Variants in TOP6BL observed in about 807,000 individuals in gnomAD.
TOP6BL encodes TOP6B like initiator of meiotic double strand breaks, also known as type 2 DNA topoisomerase 6 subunit B-like.
the TOP6BL span, among the ~76,000 whole-genome samples, chr11:66,795,560 C>G: frequency 6.6e-6 from 1 of 152,054 alleles, no homozygotes; most frequent in African/African-American, 2.4e-5. Flanking sequence ...CCTCGGCCTC[C>G]CAAAGTGCCG....
At chr11:66,747,148 G>T in the TOP6BL span, among the ~76,000 whole-genome samples, 2 of 151,932 alleles carry the variant, frequency 1.3e-5, no homozygotes, top group Admixed American at 6.6e-5. Flanking sequence ...TATTGGCCAG[G>T]CTGATCTTGA....
chr11:66,802,300 A>G, the TOP6BL span, among the ~76,000 whole-genome samples: 4 of 151,956 alleles, frequency 2.6e-5, no homozygotes, highest in Non-Finnish European at 5.9e-5. Flanking sequence ...CTATAGGTGC[A>G]TGCCACCACG....
At chr11:66,843,516 C>T in the TOP6BL span, 2 of 1,498,640 alleles carry the variant, frequency 1.3e-6, no homozygotes, top group Admixed American at 2.3e-5. Context: ...GGAGCGGCCG[C>T]CCGAGTCGGC....
At chr11:66,816,379 G>A in the TOP6BL span, among the ~76,000 whole-genome samples, 21 of 152,062 alleles carry the variant, frequency 1.4e-4, no homozygotes, top group Non-Finnish European at 2.9e-4. Context: ...TTGATGCATC[G>A]CTTAAATGAT....
At chr11:66,773,533 CTCTTT>C in the TOP6BL span, among the ~76,000 whole-genome samples, 1 of 152,170 alleles carries the variant, frequency 6.6e-6, no homozygotes, top group East Asian at 1.9e-4. Flanking sequence ...TTTATATCTT[CTCTTT>C]TATTTTCCTT....
At chr11:66,813,410 C>T in the TOP6BL span, among the ~76,000 whole-genome samples, 5 of 152,146 alleles carry the variant, frequency 3.3e-5, no homozygotes, top group African/African-American at 1.2e-4. Flanking sequence ...TGGTGCCTCA[C>T]ATCTGTCTTC....
chr11:66,774,256 A>C, the TOP6BL span, among the ~76,000 whole-genome samples: 2 of 152,068 alleles, frequency 1.3e-5, no homozygotes, highest in East Asian at 3.8e-4. Flanking sequence ...CCAGTAATTT[A>C]TATTATTATT....
At chr11:66,815,991 G>A in the TOP6BL span, 1 of 1,463,952 alleles carries the variant, frequency 6.8e-7, no homozygotes, top group South Asian at 1.3e-5. Context: ...AGGTTCTGTA[G>A]TCACTTTGTA....
At chr11:66,820,511 A>G in the TOP6BL span, among the ~76,000 whole-genome samples, 20 of 152,304 alleles carry the variant, frequency 1.3e-4, no homozygotes, top group African/African-American at 4.8e-4. Flanking sequence ...TTGCTCTCAC[A>G]TATTAGCTTT....
chr11:66,812,467 C>A, the TOP6BL span, among the ~76,000 whole-genome samples: 1 of 152,082 alleles, frequency 6.6e-6, no homozygotes. Flanking sequence ...TGAGCCACCG[C>A]GCCTGGCCCT....
At chr11:66,801,190 T>A in the TOP6BL span, 1 of 1,414,608 alleles carries the variant, frequency 7.1e-7, no homozygotes. Flanking sequence ...TTGTCTCACT[T>A]GTCATTTGTA....
chr11:66,783,769 C>T, the TOP6BL span, among the ~76,000 whole-genome samples: 18 of 152,036 alleles, frequency 1.2e-4, no homozygotes, highest in Non-Finnish European at 1.6e-4. Flanking sequence ...ATTCATATAT[C>T]ATAAACACAA....
At chr11:66,774,714 G>A in the TOP6BL span, among the ~76,000 whole-genome samples, 869 of 151,842 alleles carry the variant, frequency 5.7e-3, 27 homozygotes, top group Non-Finnish European at 3.2e-3. Context: ...CTCGTGATCC[G>A]CCCGCCTTTG....
chr11:66,821,497 G>C, the TOP6BL span: 3 of 762,090 alleles, frequency 3.9e-6, no homozygotes, highest in East Asian at 1.0e-4. Flanking sequence ...CCGTGGTCTC[G>C]ATCTCCTGAC....
At chr11:66,829,624 A>AT in the TOP6BL span, among the ~76,000 whole-genome samples, 3 of 151,934 alleles carry the variant, frequency 2.0e-5, no homozygotes, top group Non-Finnish European at 4.4e-5. Flanking sequence ...ACGATGGCTC[A>AT]TGCCTGTAAT....
the TOP6BL span, among the ~76,000 whole-genome samples, chr11:66,786,655 T>C: frequency 6.6e-6 from 1 of 152,224 alleles, no homozygotes; most frequent in African/African-American, 2.4e-5. Context: ...ACTGTCTTAC[T>C]AATCAAACTG....
chr11:66,755,185 A>C, the TOP6BL span, among the ~76,000 whole-genome samples: 2 of 149,642 alleles, frequency 1.3e-5, no homozygotes, highest in Non-Finnish European at 3.0e-5. Flanking sequence ...CAGTGGTGTG[A>C]TATCAGCTCA....
chr11:66,808,483 G>A, the TOP6BL span, among the ~76,000 whole-genome samples: 14 of 151,682 alleles, frequency 9.2e-5, no homozygotes, highest in Admixed American at 3.9e-4. Flanking sequence ...AGCCATGATC[G>A]TGCCATTGCC....
At chr11:66,774,203 T>C in the TOP6BL span, among the ~76,000 whole-genome samples, 6 of 152,188 alleles carry the variant, frequency 3.9e-5, no homozygotes, top group Non-Finnish European at 7.3e-5. Flanking sequence ...CCAAACAGAT[T>C]GCTACTTGTC....
Sources: gnomAD v4.1 joint callset for allele counts (sites outside exome capture counted in the v4.1 genomes callset) on GRCh38, gnomAD v4.1.1 for gene constraint, MANE v1.5 for transcripts, NCBI Gene and HGNC (gene_info 2026-07-23, HGNC 2026-07-21) for gene names.